CNTLN: variants seen among roughly 807,000 people sequenced by gnomAD.
The protein encoded by CNTLN is centlein.
Under a neutral mutation model 180.0 loss-of-function variants are expected in CNTLN, and 212 were observed. The ratio of observed to expected loss-of-function variants is 1.18; its 90% CI spans 1.05 to 1.32. The LOEUF (loss-of-function observed/expected upper bound fraction) is 1.32. Ranked by LOEUF, CNTLN falls within the 40% of genes most tolerant of loss-of-function variation. The pLI is 0.00. For synonymous variants in CNTLN, 722 were observed against 563.1 expected (o/e 1.28, Z -3.99); for missense variants, 2,095 against 1,610.9 (o/e 1.30, Z -5.14).
At chr9:17,501,052 C>A (rs939901728) in intron 25 of CNTLN, among the ~76,000 whole-genome samples, 1 of 152,134 alleles carries the variant, frequency 6.6e-6, no homozygotes, top group Non-Finnish European at 1.5e-5. Flanking sequence ...TCTTCACATT[C>A]CTGAAATTGG....
At chr9:17,455,848 G>GGA (rs2134146291) in intron 18 of CNTLN, among the ~76,000 whole-genome samples, 1 of 147,284 alleles carries the variant, frequency 6.8e-6, no homozygotes, top group South Asian at 2.2e-4. Flanking sequence ...GGCTTCATGT[G>GGA]ATGCCTGACT....
At chr9:17,257,401 A>T (rs2132326457) in intron 5 of CNTLN, among the ~76,000 whole-genome samples, 1 of 152,176 alleles carries the variant, frequency 6.6e-6, no homozygotes, top group African/African-American at 2.4e-5. Flanking sequence ...GTTGGTTCCA[A>T]GTCTTTGCTA....
intron 18 of CNTLN, among the ~76,000 whole-genome samples, chr9:17,454,714 C>A (rs1325850888): frequency 6.6e-6 from 1 of 152,176 alleles, no homozygotes. Flanking sequence ...CTCGAGATCA[C>A]CTTTGTTAGG....
chr9:17,176,472 T>C (rs1019914314), intron 2 of CNTLN, among the ~76,000 whole-genome samples: 2 of 152,226 alleles, frequency 1.3e-5, no homozygotes, highest in African/African-American at 4.8e-5. Flanking sequence ...AATTATACAT[T>C]GCTAAATACT....
At chr9:17,326,682 T>C (rs913429692) in intron 8 of CNTLN, among the ~76,000 whole-genome samples, 10 of 152,136 alleles carry the variant, frequency 6.6e-5, no homozygotes, top group African/African-American at 2.4e-4. Flanking sequence ...ATATCAACAG[T>C]CATAAATCAT....
chr9:17,384,722 A>T (rs1360703492), intron 13 of CNTLN, among the ~76,000 whole-genome samples: 3 of 152,198 alleles, frequency 2.0e-5, no homozygotes, highest in East Asian at 1.9e-4. Flanking sequence ...AAACTTTTTC[A>T]TGGCAGTTCT....
intron 2 of CNTLN, among the ~76,000 whole-genome samples, chr9:17,182,748 T>C (rs1821198270): frequency 6.6e-6 from 1 of 152,200 alleles, no homozygotes; most frequent in South Asian, 2.1e-4. Context: ...CTTTACTTAT[T>C]GTTCTCCATT....
intron 2 of CNTLN, among the ~76,000 whole-genome samples, chr9:17,165,921 TA>T (rs1820040153): frequency 6.6e-6 from 1 of 152,174 alleles, no homozygotes; most frequent in South Asian, 2.1e-4. Context: ...CCCACACTGT[TA>T]ACTATAGAGA....
Position 17,208,880 on chromosome 9 carries a change from C to T in CNTLN, c.450-17323C>T, listed in dbSNP as rs187254823. Among the ~76,000 whole-genome samples the T allele has an allele frequency of 1.6e-3, 249 of 152,066 alleles. 1 individual carries two copies. Among genetic ancestry groups the T allele is most frequent in the African/African-American group, 5.8e-3 (240 of 41,518 alleles). ...TTAATTAGTCTGGCTAAGGATTTGT[C>T]AATGTTATGTATCTTTTCAAAAACC... is the stretch of plus-strand genomic sequence containing the variant. On this transcript the variant is annotated intron_variant, in intron 2 of 25. Coordinates refer to ENST00000380647, the MANE Select transcript of CNTLN (RefSeq NM_017738.4).
chr9:17,417,475 C>A (rs1246252395), intron 18 of CNTLN, among the ~76,000 whole-genome samples: 1 of 151,930 alleles, frequency 6.6e-6, no homozygotes, highest in East Asian at 1.9e-4. Context: ...AAATTCTCAA[C>A]TTTAATTGTT....
intron 2 of CNTLN, among the ~76,000 whole-genome samples, chr9:17,219,156 T>G (rs1277653869): frequency 6.6e-6 from 1 of 152,150 alleles, no homozygotes; most frequent in Non-Finnish European, 1.5e-5. Context: ...GCTCACATCA[T>G]TATTGCACAT....
At chr9:17,177,869 C>G (rs999547369) in intron 2 of CNTLN, among the ~76,000 whole-genome samples, 8 of 152,276 alleles carry the variant, frequency 5.3e-5, no homozygotes, top group Admixed American at 5.2e-4. Flanking sequence ...GTTGCCACTG[C>G]TGGCTCAGGC....
intron 7 of CNTLN, among the ~76,000 whole-genome samples, 195 bp from the exon 8 acceptor site, chr9:17,308,863 A>G (rs993547899): frequency 7.1e-6 from 1 of 139,954 alleles, no homozygotes; most frequent in Non-Finnish European, 1.5e-5. Flanking sequence ...AAAATTAAAT[A>G]TTAAACATAT....
chr9:17,357,594 A>ATATAT (rs199696459), intron 12 of CNTLN, among the ~76,000 whole-genome samples: 2 of 87,378 alleles, frequency 2.3e-5, no homozygotes, highest in South Asian at 2.8e-4. Context: ...ATATATATAT[A>ATATAT]AATACTACAT....
intron 7 of CNTLN, among the ~76,000 whole-genome samples, chr9:17,307,079 A>G (rs1818768578): frequency 6.6e-6 from 1 of 152,110 alleles, no homozygotes; most frequent in Non-Finnish European, 1.5e-5. Flanking sequence ...AGAATATTTG[A>G]TGGTATCAGC....
intron 2 of CNTLN, among the ~76,000 whole-genome samples, chr9:17,184,072 C>T (rs1051928019): frequency 5.3e-5 from 8 of 152,094 alleles, no homozygotes; most frequent in East Asian, 3.9e-4. Context: ...TGAGAAGCAA[C>T]GAATAATCTG....
intron 25 of CNTLN, among the ~76,000 whole-genome samples, chr9:17,501,766 A>G (rs1424633599): frequency 6.6e-6 from 1 of 152,208 alleles, no homozygotes; most frequent in Non-Finnish European, 1.5e-5. Flanking sequence ...CAGACCTCTT[A>G]TGTGAGGCTA....
At chr9:17,153,547 C>G (rs1292695095) in intron 2 of CNTLN, among the ~76,000 whole-genome samples, 2 of 152,216 alleles carry the variant, frequency 1.3e-5, no homozygotes, top group African/African-American at 4.8e-5. Context: ...TGATGGGCTT[C>G]CCTTTGCGGG....
At chr9:17,470,463 T>C (rs907652218) in intron 23 of CNTLN, among the ~76,000 whole-genome samples, 2 of 151,992 alleles carry the variant, frequency 1.3e-5, no homozygotes, top group Non-Finnish European at 2.9e-5. Context: ...TTGTGGAATC[T>C]ATGTTCCCTT....
Sources: gnomAD v4.1 joint callset for allele counts (sites outside exome capture counted in the v4.1 genomes callset) on GRCh38, gnomAD v4.1.1 for gene constraint, MANE v1.5 for transcripts, NCBI Gene and HGNC (gene_info 2026-07-23, HGNC 2026-07-21) for gene names.